The following PCNX4 variants were observed in gnomAD, a reference collection of about 807,000 sequenced individuals.
The protein encoded by PCNX4 is pecanex 4.
PCNX4 carries 103 observed loss-of-function variants against 107.2 expected under a neutral mutation model. The ratio of observed to expected loss-of-function variants is 0.96; its 90% confidence interval spans 0.82 to 1.13. The LOEUF is 1.13. Among genes scored for constraint, PCNX4 ranks in the 50% most tolerant of loss-of-function variants. The pLI is 0.00. For missense variants in PCNX4, 1,528 were observed against 1,379.4 expected, an observed-to-expected ratio of 1.11 and a Z score of -1.71; for synonymous variants, 541 against 481.7, an observed-to-expected ratio of 1.12 and a Z score of -1.61.
At chr14:60,101,197 G>A (rs1460659680) in intron 1 of PCNX4, among the ~76,000 whole-genome samples, 1 of 152,132 alleles carries the variant, frequency 6.6e-6, no homozygotes, top group Non-Finnish European at 1.5e-5. Context: ...TTCTAAACCA[G>A]ACCAATGTGT....
At chr14:60,098,630 G>A (rs1359778643) in intron 1 of PCNX4, among the ~76,000 whole-genome samples, 2 of 152,114 alleles carry the variant, frequency 1.3e-5, no homozygotes, top group Non-Finnish European at 2.9e-5. Context: ...TGAAATATAT[G>A]TTTCTGTTTA....
At chr14:60,123,530 A>G (rs908154596) in intron 8 of PCNX4, among the ~76,000 whole-genome samples, 1 of 149,216 alleles carries the variant, frequency 6.7e-6, no homozygotes, top group Non-Finnish European at 1.5e-5. Flanking sequence ...AGTAGCAATT[A>G]TAATAGTAAA....
intron 1 of PCNX4, among the ~76,000 whole-genome samples, chr14:60,105,612 CA>C (rs1422216251): frequency 6.6e-6 from 1 of 151,968 alleles, no homozygotes; most frequent in Non-Finnish European, 1.5e-5. Context: ...CATGTTTCTA[CA>C]ATAATAACAC....
chr14:60,128,429 C>T (rs1896094650), intron 10 of PCNX4, among the ~76,000 whole-genome samples: 1 of 152,144 alleles, frequency 6.6e-6, no homozygotes, highest in Non-Finnish European at 1.5e-5. Flanking sequence ...CATGGAATGA[C>T]ATATTCAAAG....
At chr14:60,113,493 C>G (rs1178929653) in intron 2 of PCNX4, among the ~76,000 whole-genome samples, 1 of 152,014 alleles carries the variant, frequency 6.6e-6, no homozygotes, top group Admixed American at 6.5e-5. Context: ...CTCAGCCTCC[C>G]TAGTAGCTGG....
chr14:60,107,588 A>C lies in PCNX4; in HGVS notation c.-51A>C. ...TTTTTTTAATTTTTATTTTTTAGAAACTGCTGTGTTACAGAAAAGCATGTG... is the reference window on the plus strand; with the variant it reads ...TTTTTTTAATTTTTATTTTTTAGAACCTGCTGTGTTACAGAAAAGCATGTG... On this transcript the variant is annotated splice_region_variant and 5_prime_UTR_variant, in exon 2 of 11. Transcript: ENST00000406854. The C allele has an allele frequency of 6.9e-7, 1 of 1,455,510 alleles. No individual in the cohort carries two copies. Among genetic ancestry groups the C allele is most frequent in the Non-Finnish European group, 9.3e-7 (1 of 1,073,588 alleles). 90.2% of individuals were successfully genotyped at this position (1,455,510 alleles called of 1,614,324 possible).
rs1233577693 is a variant in PCNX4 at position 60,141,269 on chromosome 14, A to G, written c.*7048A>G. 6.6e-6 allele frequency: 1 copy of G among 152,248 alleles called. No individual in the cohort carries two copies. The highest frequency in any genetic ancestry group is 1.5e-5 in the Non-Finnish European group (1 of 68,054). The allele number at this position is 152,248 out of a possible 1,614,324, so 9.4% of individuals were successfully genotyped here. A position where few individuals can be genotyped will look rare whatever the true frequency, so the allele number is the denominator to read the frequency against. On this transcript the variant is annotated 3_prime_UTR_variant, in exon 11 of 11. Coordinates refer to ENST00000406854, the MANE Select transcript of PCNX4 (RefSeq NM_001330177.2). ...AAAAAGAATAGCAAAATAAGCCCAA[A>G]GCAGGCAAAAGAAAGGAAATAACCA...
At chr14:60,106,733 A>G (rs1446814339) in intron 1 of PCNX4, among the ~76,000 whole-genome samples, 1 of 150,838 alleles carries the variant, frequency 6.6e-6, no homozygotes, top group African/African-American at 2.4e-5. Context: ...GACTAGAGGA[A>G]AGATTATTTT....
intron 2 of PCNX4, 111 bp downstream of exon 2, chr14:60,108,438 A>C (rs1895673337): frequency 2.6e-6 from 2 of 762,130 alleles, no homozygotes; most frequent in Non-Finnish European, 4.2e-6. Flanking sequence ...AAAATCATCA[A>C]ACCATTGGGT....
At chr14:60,093,891 G>T (rs1269269678) in intron 1 of PCNX4, among the ~76,000 whole-genome samples, 1 of 152,134 alleles carries the variant, frequency 6.6e-6, no homozygotes, top group Non-Finnish European at 1.5e-5. Flanking sequence ...AGTCAAGGAG[G>T]TTTGAAATGG....
chr14:60,108,008 G>C lies in PCNX4; in HGVS notation c.370G>C (p.Ala124Pro). 6.2e-7 allele frequency: 1 copy of C among 1,612,742 alleles called. No homozygotes were observed. The highest frequency in any genetic ancestry group is 8.5e-7 in the Non-Finnish European group (1 of 1,179,786). The change falls in exon 2 of 11, where the codon GCT (alanine) becomes CCT (proline). Residue 124 changes from alanine to proline, a missense_variant. Transcript: ENST00000406854. ...DEHEFTSCTG[A>P]ETVKFLIPGK... is the part of the protein sequence containing the mutation. The stretch of plus-strand genomic sequence containing the variant: ...GCATGAATTTACCAGTTGTACTGGT[G>C]CTGAGACTGTCAAATTTCTCATTCC...
At position 60,092,050 on chromosome 14, in the gene PCNX4, T is replaced by C. The variant is rs1480667745; in HGVS notation, c.-423T>C. On this transcript the variant is annotated 5_prime_UTR_variant, in exon 1 of 11. An upstream open reading frame in the 5' UTR loses its in-frame stop. Transcript: ENST00000406854. ...GTCCCCGGCCAGGCAGATGTTGGCCTAGTCCTGGCGCGAACGAAGCGCGCT... is the reference window on the plus strand; with the variant it reads ...GTCCCCGGCCAGGCAGATGTTGGCCCAGTCCTGGCGCGAACGAAGCGCGCT... 1 of 152,432 alleles carries C rather than the reference T, an allele frequency of 6.6e-6. No homozygotes were observed. The highest frequency in any genetic ancestry group is 1.9e-4 in the East Asian group (1 of 5,206). The allele number at this position is 152,432 out of a possible 1,614,324, so 9.4% of individuals were successfully genotyped here.
intron 7 of PCNX4, among the ~76,000 whole-genome samples, chr14:60,120,005 T>C (rs967864913): frequency 1.3e-5 from 2 of 152,192 alleles, no homozygotes; most frequent in African/African-American, 4.8e-5. Flanking sequence ...TTAGATTCCA[T>C]GATTTAGTGA....
chr14:60,127,775 A>G (rs1476049479), intron 10 of PCNX4, among the ~76,000 whole-genome samples: 1 of 152,250 alleles, frequency 6.6e-6, no homozygotes, highest in South Asian at 2.1e-4. Flanking sequence ...GCAGACAACC[A>G]GGCTTGCCTG....
chr14:60,120,095 G>A (rs933693383), intron 7 of PCNX4, among the ~76,000 whole-genome samples: 1 of 152,134 alleles, frequency 6.6e-6, no homozygotes, highest in Non-Finnish European at 1.5e-5. Context: ...TCACTAGGAG[G>A]ACTGACAGCT....
chr14:60,100,031 C>T (rs1895499429), intron 1 of PCNX4, among the ~76,000 whole-genome samples: 1 of 152,096 alleles, frequency 6.6e-6, no homozygotes, highest in Non-Finnish European at 1.5e-5. Context: ...TGCTACTGCA[C>T]TCCAGCCTGG....
At chr14:60,130,669 G>A (rs1387704549) in intron 10 of PCNX4, among the ~76,000 whole-genome samples, 1 of 152,164 alleles carries the variant, frequency 6.6e-6, no homozygotes, top group Non-Finnish European at 1.5e-5. Flanking sequence ...ATAACATATA[G>A]GAATGTAATT....
At chr14:60,133,655 G>A (rs1452412986) in intron 10 of PCNX4, 2 of 518,658 alleles carry the variant, frequency 3.9e-6, no homozygotes, top group Admixed American at 4.5e-5. Flanking sequence ...CCACCAAATA[G>A]TATTTATGAC....
chr14:60,093,352 T>TC (rs561549386), intron 1 of PCNX4, among the ~76,000 whole-genome samples: 3 of 151,814 alleles, frequency 2.0e-5, no homozygotes, highest in African/African-American at 7.3e-5. Context: ...ACCACCTCCC[T>TC]CCCCCCATTA....
Sources: allele counts gnomAD v4.1 joint callset (sites outside exome capture counted in the v4.1 genomes callset), GRCh38; gene constraint gnomAD v4.1.1; transcripts MANE v1.5; gene names NCBI Gene and HGNC (gene_info 2026-07-23, HGNC 2026-07-21).